NUMA1: variants seen among roughly 807,000 people sequenced by gnomAD.
The protein encoded by NUMA1 is SP-H antigen.
Under a neutral mutation model 237.1 loss-of-function variants are expected in NUMA1, and 62 were observed. The observed-to-expected ratio is 0.26, with a 90% CI of 0.21 to 0.32. The LOEUF is 0.32. Ranked by LOEUF, NUMA1 falls within the 10% of genes least tolerant of loss-of-function variation. The pLI is 1.00. For missense variants in NUMA1, 2,533 were observed against 2,666.5 expected (o/e 0.95, Z 1.10); for synonymous variants, 1,028 against 1,066.1 (o/e 0.96, Z 0.70).
At position 72,009,362 on chromosome 11, in the gene NUMA1, C is replaced by A. The variant is rs1014070995; in HGVS notation, c.4745G>T (p.Ser1582Ile). Residue 1582 changes from serine to isoleucine, a missense_variant, in exon 18 of 27, where the codon AGC becomes ATC. Physicochemically the swap from Ser to Ile is moderately radical, Grantham distance 142 (BLOSUM62 -2). Transcript: ENST00000393695. ...LKAVQAQGGE[S>I]QQEAQRLQAQ... Reference sequence around the variant, plus strand: ...CTGGAGGCGCTGGGCCTCCTGCTGGCTCTCGCCTCCCTGAGCCTGGACAGC... The same window carrying A: ...CTGGAGGCGCTGGGCCTCCTGCTGGATCTCGCCTCCCTGAGCCTGGACAGC... The A allele has an allele frequency of 6.2e-7, 1 of 1,611,010 alleles. No homozygotes were observed. Among genetic ancestry groups the A allele is most frequent in the African/African-American group, 1.3e-5 (1 of 74,870 alleles).
At chr11:72,075,243 C>A (rs138625539) in intron 1 of NUMA1, among the ~76,000 whole-genome samples, 84 of 152,204 alleles carry the variant, frequency 5.5e-4, no homozygotes, top group Non-Finnish European at 1.1e-3. Context: ...GATGCTGGGG[C>A]CTGGACTCCA....
At chr11:72,051,251 G>A (rs181067622) in intron 2 of NUMA1, among the ~76,000 whole-genome samples, 31 of 152,080 alleles carry the variant, frequency 2.0e-4, no homozygotes, top group Non-Finnish European at 5.9e-5. Flanking sequence ...TAAATCCTAC[G>A]TATCTGGCAT....
At chr11:72,041,309 G>A (rs1007991154) in intron 2 of NUMA1, 1 of 152,492 alleles carries the variant, frequency 6.6e-6, no homozygotes, top group African/African-American at 2.4e-5. Context: ...AAGAAAAGCA[G>A]GACGAATGGG....
intron 1 of NUMA1, among the ~76,000 whole-genome samples, chr11:72,071,958 A>G (rs1369490082): frequency 6.6e-6 from 1 of 152,184 alleles, no homozygotes; most frequent in Non-Finnish European, 1.5e-5. Context: ...ATAGGCACTC[A>G]TTACTTTAGG....
chr11:72,045,989 C>T (rs1293344133), intron 2 of NUMA1, among the ~76,000 whole-genome samples: 1 of 152,222 alleles, frequency 6.6e-6, no homozygotes, highest in Non-Finnish European at 1.5e-5. Context: ...GCAACAGCTT[C>T]CAGCTGTGCA....
At chr11:72,009,520 AC>A in intron 17 of NUMA1, 133 bp from the exon 18 acceptor site, 2 of 1,152,304 alleles carry the variant, frequency 1.7e-6, no homozygotes, top group Non-Finnish European at 2.4e-6. Context: ...AAACCACACC[AC>A]CCCAAATACT....
At chr11:72,049,631 TATAG>T (rs770856215) in intron 2 of NUMA1, 4 of 132,156 alleles carry the variant, frequency 3.0e-5, no homozygotes, top group South Asian at 2.5e-4. Context: ...TTCATCTATC[TATAG>T]ATAGATAAAT....
In NUMA1 at chr11:72,006,156, T is replaced by G. The variant is rs762619364; in HGVS notation, c.5571A>C (p.Leu1857=). The G allele has an allele frequency of 1.2e-6, 2 of 1,614,168 alleles. No homozygotes were observed. Among genetic ancestry groups the G allele is most frequent in the Non-Finnish European group, 1.7e-6 (2 of 1,180,014 alleles). ...SLRATSSTQS[L]ARLGSPDYGN... ...CATAATCGGGAGAACCCAGGCGAGC[T>G]AGAGACTGAGTAGAGGAGGTGGCTC... is the stretch of plus-strand genomic sequence containing the variant. Residue 1857 remains leucine, a synonymous_variant, in exon 22 of 27, where the codon CTA becomes CTC. Coordinates refer to ENST00000393695, the MANE Select transcript of NUMA1 (RefSeq NM_006185.4).
chr11:72,073,707 C>T (rs967573309), intron 1 of NUMA1, among the ~76,000 whole-genome samples: 1 of 152,140 alleles, frequency 6.6e-6, no homozygotes, highest in South Asian at 2.1e-4. Flanking sequence ...TGGTTTGCCA[C>T]AGGGAAGAAA....
chr11:72,045,067 A>G (rs1941919083), intron 2 of NUMA1, among the ~76,000 whole-genome samples: 1 of 152,146 alleles, frequency 6.6e-6, no homozygotes, highest in Non-Finnish European at 1.5e-5. Flanking sequence ...TCTTGTCTTC[A>G]CATCTAGAAT....
rs2135072892 is a variant in NUMA1, at chr11:72,016,393, T to C, written c.1242+15A>G. 2 of 1,613,162 alleles carry C rather than the reference T, an allele frequency of 1.2e-6. No individual in the cohort carries two copies. The highest frequency in any genetic ancestry group is 1.7e-6 in the Non-Finnish European group (2 of 1,179,692). On this transcript the variant is annotated intron_variant, in intron 14 of 26. Transcript: ENST00000393695. ...CACCAACCAGCAGCACACAGGTCTT[T>C]CTGTGCATTCCTACCTGCAAGACAT...
intron 23 of NUMA1, 50 bp downstream of exon 23, chr11:72,005,183 C>T: frequency 1.3e-6 from 2 of 1,521,158 alleles, no homozygotes; most frequent in Non-Finnish European, 1.8e-6. Flanking sequence ...AGGTGGGATT[C>T]CAAGGGAGGG....
rs149551743 is a variant in NUMA1 at position 72,055,459 on chromosome 11, A to G, written c.-33+14383T>C. On this transcript the variant is annotated intron_variant, in intron 2 of 26. Transcript: ENST00000393695. ...TTCCAGAAGACTCACCTGAGATAAC[A>G]TGAGCCACTCACTTATGAACCAAGA... Among the ~76,000 whole-genome samples the G allele has an allele frequency of 9.4e-3, 1,430 of 152,230 alleles. 10 individuals are homozygous for G. The highest frequency in any genetic ancestry group is 0.017 in the Middle Eastern group (5 of 294).
At chr11:72,069,519 G>T (rs925361726) in intron 2 of NUMA1, among the ~76,000 whole-genome samples, 4 of 152,184 alleles carry the variant, frequency 2.6e-5, no homozygotes, top group African/African-American at 9.7e-5. Context: ...CAGTAGCAGA[G>T]AAATGATGGC....
intron 2 of NUMA1, among the ~76,000 whole-genome samples, chr11:72,053,919 T>C (rs1454024945): frequency 6.6e-6 from 1 of 152,184 alleles, no homozygotes. Flanking sequence ...TTGCATTATA[T>C]AAGTAATCCA....
chr11:72,019,623 G>C lies in NUMA1; in HGVS notation c.461-6C>G. ...ACAGGTAGAAGGCACAGGAGCTGGG[G>C]GTAAGAAATAGACAAAATAAATCAA... On this transcript the variant is annotated splice_polypyrimidine_tract_variant and splice_region_variant and intron_variant, in intron 8 of 26. Transcript: ENST00000393695. 10 of 1,611,736 alleles carry C rather than the reference G, an allele frequency of 6.2e-6. No individual in the cohort carries two copies. Among genetic ancestry groups the C allele is most frequent in the Non-Finnish European group, 8.5e-6 (10 of 1,178,770 alleles).
chr11:72,072,455 A>C (rs926440005), intron 1 of NUMA1, among the ~76,000 whole-genome samples: 1 of 152,226 alleles, frequency 6.6e-6, no homozygotes, highest in Non-Finnish European at 1.5e-5. Context: ...AGAAATCTGC[A>C]AGGCTGAATC....
chr11:72,032,831 T>C (rs1940503970), intron 3 of NUMA1, among the ~76,000 whole-genome samples: 1 of 152,262 alleles, frequency 6.6e-6, no homozygotes. Flanking sequence ...AGTTTCAAGC[T>C]ATAATTTAAG....
At chr11:72,010,371 C>T (rs1956065050) in intron 17 of NUMA1, among the ~76,000 whole-genome samples, 1 of 152,242 alleles carries the variant, frequency 6.6e-6, no homozygotes, top group African/African-American at 2.4e-5. Flanking sequence ...CGTTCTTTCC[C>T]TGCCCAGACT....
Sources: gnomAD v4.1 joint callset for allele counts (sites outside exome capture counted in the v4.1 genomes callset) on GRCh38, gnomAD v4.1.1 for gene constraint, MANE v1.5 for transcripts, NCBI Gene and HGNC (gene_info 2026-07-23, HGNC 2026-07-21) for gene names.